Variants in ATAD2B observed in about 807,000 individuals in gnomAD.
ATAD2B encodes ATPase family AAA domain-containing protein 2B.
ATAD2B carries 40 observed loss-of-function variants against 167.6 expected under a neutral mutation model. That is an observed-to-expected ratio of 0.24 (90% CI 0.19 to 0.31). ATAD2B has a LOEUF of 0.31. Ranked by LOEUF, ATAD2B falls within the 10% of genes least tolerant of loss-of-function variation. The pLI, the probability that ATAD2B is intolerant of heterozygous loss-of-function variation, is 1.00. For synonymous variants in ATAD2B, 579 were observed against 596.5 expected, an observed-to-expected ratio of 0.97 and a Z score of 0.43; for missense variants, 1,242 against 1,757.2, an observed-to-expected ratio of 0.71 and a Z score of 5.24.
chr2:23,893,666 A>AAT, intron 2 of ATAD2B, among the ~76,000 whole-genome samples: 1 of 142,822 alleles, frequency 7.0e-6, no homozygotes, highest in Non-Finnish European at 1.5e-5. Flanking sequence ...AAAAAAAAAA[A>AAT]CTTTTTTTTT....
chr2:23,878,025 A>AAAAAAAAAAAAAAAGAAAAAAAG (rs1558713989), intron 7 of ATAD2B, among the ~76,000 whole-genome samples: 1 of 106,970 alleles, frequency 9.3e-6, no homozygotes, highest in Non-Finnish European at 2.1e-5. Flanking sequence ...AAAAAAAAAA[A>AAAAAAAAAAAAAAAGAAAAAAAG]AAAAAAAAAA....
intron 22 of ATAD2B, among the ~76,000 whole-genome samples, chr2:23,782,369 A>AGAGC (rs1425426997): frequency 1.3e-5 from 2 of 152,214 alleles, no homozygotes; most frequent in Non-Finnish European, 2.9e-5. Flanking sequence ...TCTTCCCTGG[A>AGAGC]GAGCGATAAC....
chr2:23,792,938 G>C (rs1289648036), intron 19 of ATAD2B, among the ~76,000 whole-genome samples: 1 of 123,798 alleles, frequency 8.1e-6, no homozygotes, highest in Non-Finnish European at 1.6e-5. Flanking sequence ...ACTCCAGCCT[G>C]GGCAACAGCG....
the ATAD2B span, among the ~76,000 whole-genome samples, chr2:23,701,921 CGGGTAGCT>C: frequency 2.1e-3 from 321 of 151,450 alleles, 2 homozygotes; most frequent in African/African-American, 7.1e-3. Flanking sequence ...CTGCCTCAGC[CGGGTAGCT>C]GGGTAGCTGG....
chr2:23,795,069 A>G (rs1302926040), intron 19 of ATAD2B, among the ~76,000 whole-genome samples: 1 of 152,198 alleles, frequency 6.6e-6, no homozygotes, highest in Non-Finnish European at 1.5e-5. Flanking sequence ...AAAATAGAGC[A>G]GGAAAACTTC....
downstream of ATAD2B, among the ~76,000 whole-genome samples, chr2:23,745,457 AAGGAAAGG>A (rs1674826236): frequency 7.8e-6 from 1 of 128,898 alleles, no homozygotes; most frequent in African/African-American, 2.8e-5. Context: ...GAAGGGAAGG[AAGGAAAGG>A]AAGGAAGGAA....
chr2:23,701,993 T>G, the ATAD2B span, among the ~76,000 whole-genome samples: 1 of 136,418 alleles, frequency 7.3e-6, no homozygotes, highest in African/African-American at 2.6e-5. Flanking sequence ...TTTTTTTTTT[T>G]TGTATTTTTA....
the ATAD2B span, among the ~76,000 whole-genome samples, chr2:23,711,889 C>G: frequency 3.3e-5 from 5 of 152,276 alleles, no homozygotes; most frequent in South Asian, 1.0e-3. Context: ...ACGTATACAA[C>G]ATAATTACAC....
chr2:23,778,509 C>G (rs1474254818), intron 22 of ATAD2B, among the ~76,000 whole-genome samples: 3 of 152,102 alleles, frequency 2.0e-5, no homozygotes, highest in African/African-American at 7.2e-5. Flanking sequence ...CATTCTAGAG[C>G]AAATATGCAG....
At chr2:23,703,440 T>G in the ATAD2B span, 1 of 1,353,548 alleles carries the variant, frequency 7.4e-7, no homozygotes, top group Non-Finnish European at 9.8e-7. Flanking sequence ...TGCTGATTTG[T>G]TCAGTATCCC....
At chr2:23,850,719 T>C (rs1692441228) in intron 13 of ATAD2B, among the ~76,000 whole-genome samples, 1 of 152,198 alleles carries the variant, frequency 6.6e-6, no homozygotes, top group African/African-American at 2.4e-5. Flanking sequence ...GAAAATATTC[T>C]GTATGATACT....
intron 22 of ATAD2B, among the ~76,000 whole-genome samples, chr2:23,781,688 T>C (rs1340861065): frequency 6.7e-6 from 1 of 150,022 alleles, no homozygotes; most frequent in East Asian, 1.9e-4. Flanking sequence ...TAAACAATAA[T>C]AGCCAATGAC....
At chr2:23,771,736 T>G (rs1467508805) in intron 22 of ATAD2B, among the ~76,000 whole-genome samples, 2 of 152,216 alleles carry the variant, frequency 1.3e-5, no homozygotes, top group Non-Finnish European at 2.9e-5. Flanking sequence ...CTAACTCTAT[T>G]GCGGCCCCTG....
At chr2:23,819,949 C>G (rs546170681) in intron 16 of ATAD2B, 67 bp from the exon 17 acceptor site, 2 of 1,189,498 alleles carry the variant, frequency 1.7e-6, no homozygotes, top group South Asian at 3.3e-5. Flanking sequence ...CCTACCAAAG[C>G]TAAGAAAAAT....
intron 7 of ATAD2B, among the ~76,000 whole-genome samples, chr2:23,878,977 C>T (rs1697455339): frequency 6.6e-6 from 1 of 152,076 alleles, no homozygotes. Context: ...TAATAAATAC[C>T]TGTTAAAATT....
At chr2:23,872,291 G>A (rs1295796010) in intron 8 of ATAD2B, 8 of 512,092 alleles carry the variant, frequency 1.6e-5, no homozygotes, top group South Asian at 3.3e-5. Context: ...ACGGCTTTAC[G>A]CACAGTCTCT....
intron 2 of ATAD2B, among the ~76,000 whole-genome samples, chr2:23,888,682 T>C (rs1461033734): frequency 6.6e-6 from 1 of 152,146 alleles, no homozygotes; most frequent in Non-Finnish European, 1.5e-5. Context: ...GCTTAATATA[T>C]ACCATAAAAT....
the ATAD2B span, among the ~76,000 whole-genome samples, chr2:23,730,940 G>A: frequency 1.3e-5 from 2 of 151,630 alleles, no homozygotes; most frequent in Non-Finnish European, 2.9e-5. Context: ...GAAAAAAAAA[G>A]AGAAGATACA....
Position 23,823,206 on chromosome 2 carries a change from T to TTAGTATAGTA in ATAD2B, c.2131+51_2131+52insTACTATACTA, listed in dbSNP as rs1687733445. ...AATCTTATGAGGAAACTATATTTAT[T>TTAGTATAGTA]TATTCCTGTATTTGTTTCATCTTAA... On this transcript the variant is annotated intron_variant, in intron 16 of 27. Transcript: ENST00000238789. 13 of 1,347,536 alleles carry TTAGTATAGTA rather than the reference T, an allele frequency of 9.6e-6. No homozygotes were observed. In the East Asian group the frequency reaches 3.2e-4, roughly 34 times the overall value. 83.5% of individuals were successfully genotyped at this position (1,347,536 alleles called of 1,614,324 possible).
Sources: allele counts gnomAD v4.1 joint callset (sites outside exome capture counted in the v4.1 genomes callset), GRCh38; gene constraint gnomAD v4.1.1; transcripts MANE v1.5; gene names NCBI Gene and HGNC (gene_info 2026-07-23, HGNC 2026-07-21).